DAP: variants seen among roughly 807,000 people sequenced by gnomAD.
DAP encodes the protein death-associated protein 1.
In DAP, 8 loss-of-function variants were observed where a neutral mutation model predicts 13.8. That is an observed-to-expected ratio of 0.58 (90% confidence interval 0.34 to 1.05). DAP has a LOEUF of 1.05. Ranked by LOEUF, DAP falls within the 50% of genes least tolerant of loss-of-function variation. The pLI, the probability that DAP is intolerant of heterozygous loss-of-function variation, is 0.03. For synonymous variants in DAP, 47 were observed against 47.5 expected (o/e 0.99, Z 0.04); for missense variants, 106 against 133.2 (o/e 0.80, Z 1.01).
At position 10,722,522 on chromosome 5, in the gene DAP, AT is replaced by A. The variant is rs1337247044; in HGVS notation, c.152+25652del. On this transcript the variant is annotated intron_variant, in intron 2 of 3. Transcript: ENST00000230895. ...TACACATACATATGCATACATATAC[AT>A]ATACATGCATATATATACATATATA... 6.3e-4 allele frequency among the ~76,000 whole-genome samples: 95 copies of A among 150,824 alleles called. 1 individual carries two copies. The highest frequency in any genetic ancestry group is 2.2e-3 in the African/African-American group (89 of 41,136).
rs1199947263 is a variant in DAP, at chr5:10,687,905, CTTT to C, written c.153-4337_153-4335del. 5.7e-4 allele frequency among the ~76,000 whole-genome samples: 63 copies of C among 110,640 alleles called. 1 individual carries two copies. The highest frequency in any genetic ancestry group is 1.4e-3 in the African/African-American group (37 of 26,020). The allele number at this position is 110,640 out of a possible 152,430, so 72.6% of individuals were successfully genotyped here. A position where few individuals can be genotyped will look rare whatever the true frequency, so the allele number is the denominator to read the frequency against. On this transcript the variant is annotated intron_variant, in intron 2 of 3. Coordinates refer to ENST00000230895, the MANE Select transcript of DAP (RefSeq NM_004394.3). ...TCTATGTCACAAACTTCATTGTTGT[CTTT>C]TTTTTTTTTTTTTTTTTTTTACAGA...
At chr5:10,684,245 T>C (rs190908583) in intron 2 of DAP, among the ~76,000 whole-genome samples, 2 of 152,364 alleles carry the variant, frequency 1.3e-5, no homozygotes, top group Admixed American at 6.5e-5. Context: ...TTACATGGTG[T>C]GGACTTGGAG....
intron 1 of DAP, among the ~76,000 whole-genome samples, chr5:10,758,029 T>C (rs1192386817): frequency 6.6e-6 from 1 of 152,044 alleles, no homozygotes; most frequent in East Asian, 1.9e-4. Flanking sequence ...CAAAAGAACA[T>C]TAAGATAGTC....
chr5:10,693,124 GCACACACACACA>G (rs10596228), intron 2 of DAP, among the ~76,000 whole-genome samples: 5 of 148,868 alleles, frequency 3.4e-5, no homozygotes, highest in African/African-American at 7.4e-5. Flanking sequence ...ACATGCACAC[GCACACACACACA>G]CACACACACA....
chr5:10,716,650 T>C (rs1738997829), intron 2 of DAP, among the ~76,000 whole-genome samples: 2 of 152,196 alleles, frequency 1.3e-5, no homozygotes. Flanking sequence ...CCTCAAACAT[T>C]GGACTCCAGG....
At chr5:10,741,941 GTAAT>G (rs1739766555) in intron 2 of DAP, among the ~76,000 whole-genome samples, 1 of 152,130 alleles carries the variant, frequency 6.6e-6, no homozygotes. Context: ...ATTTTGTTTT[GTAAT>G]TAATAGATAT....
chr5:10,683,402 G>T lies in DAP; in HGVS notation c.195+127C>A, dbSNP rs577106606. 8.5e-6 allele frequency: 8 copies of T among 940,588 alleles called. No individual in the cohort carries two copies. The African/African-American group carries it at 1.3e-4, about 15-fold the overall frequency. The allele number at this position is 940,588 out of a possible 1,614,324, so 58.3% of individuals were successfully genotyped here. On this transcript the variant is annotated intron_variant, in intron 3 of 3. Transcript: ENST00000230895. ...AAACGCGGCAATGAAGAGAGCCATG[G>T]CCACAGAGGAGATGAGCAGTGGTGC...
intron 2 of DAP, among the ~76,000 whole-genome samples, chr5:10,688,336 C>A (rs574673740): frequency 6.6e-6 from 1 of 152,296 alleles, no homozygotes; most frequent in South Asian, 2.1e-4. Context: ...CTGAGCCTCA[C>A]TGAAGGCTCA....
At chr5:10,713,233 A>G (rs1359914262) in intron 2 of DAP, among the ~76,000 whole-genome samples, 4 of 152,302 alleles carry the variant, frequency 2.6e-5, no homozygotes, top group African/African-American at 4.8e-5. Flanking sequence ...ACAACCTAAC[A>G]TTGGAATCGA....
intron 2 of DAP, among the ~76,000 whole-genome samples, chr5:10,724,862 C>T (rs1468749835): frequency 6.6e-6 from 1 of 152,176 alleles, no homozygotes; most frequent in African/African-American, 2.4e-5. Flanking sequence ...TGGACAGAGT[C>T]AAGCTCTGAC....
chr5:10,691,664 A>C (rs1738309665), intron 2 of DAP, among the ~76,000 whole-genome samples: 1 of 152,238 alleles, frequency 6.6e-6, no homozygotes, highest in African/African-American at 2.4e-5. Context: ...GGAAACAGAG[A>C]GTGAAAACTA....
intron 2 of DAP, among the ~76,000 whole-genome samples, chr5:10,688,382 A>G (rs949416308): frequency 2.6e-5 from 4 of 152,094 alleles, no homozygotes; most frequent in Admixed American, 6.5e-5. Flanking sequence ...TAAATTTTTA[A>G]AATTTTAAAT....
At chr5:10,733,005 T>C (rs1212641780) in intron 2 of DAP, among the ~76,000 whole-genome samples, 3 of 152,220 alleles carry the variant, frequency 2.0e-5, no homozygotes, top group Non-Finnish European at 4.4e-5. Context: ...TCTATGAGTC[T>C]GACTACTTTA....
intron 2 of DAP, among the ~76,000 whole-genome samples, chr5:10,722,644 A>G (rs1377428039): frequency 6.6e-6 from 1 of 150,762 alleles, no homozygotes; most frequent in Non-Finnish European, 1.5e-5. Flanking sequence ...ATACATATAT[A>G]TATATGTTCA....
At chr5:10,725,154 A>G (rs367592843) in intron 2 of DAP, among the ~76,000 whole-genome samples, 16 of 152,134 alleles carry the variant, frequency 1.1e-4, no homozygotes, top group East Asian at 5.8e-4. Context: ...TTCCCATTTC[A>G]GGCTTATTTT....
At chr5:10,694,971 A>G (rs1048597397) in intron 2 of DAP, among the ~76,000 whole-genome samples, 3 of 152,210 alleles carry the variant, frequency 2.0e-5, no homozygotes, top group Admixed American at 1.3e-4. Context: ...TGACTTTTTA[A>G]ACATTTCCCA....
At chr5:10,749,669 G>A (rs753779835) in intron 1 of DAP, among the ~76,000 whole-genome samples, 3 of 151,394 alleles carry the variant, frequency 2.0e-5, no homozygotes, top group Non-Finnish European at 2.9e-5. Context: ...GGCCCTTAGT[G>A]TGCTACCTGC....
rs1271529182 is a variant in DAP at position 10,707,481 on chromosome 5, C to T, written c.153-23910G>A. On this transcript the variant is annotated intron_variant, in intron 2 of 3. Coordinates refer to ENST00000230895, the MANE Select transcript of DAP (RefSeq NM_004394.3). The surrounding 1 kb of genome is among the most constrained non-coding windows in gnomAD (Gnocchi z 4.0). Reference sequence around the variant, plus strand: ...GGTGTGATGCACGGGTGATGTGGTGCATAAACTATGTGGTGCACAGGCAGT... The same window carrying T: ...GGTGTGATGCACGGGTGATGTGGTGTATAAACTATGTGGTGCACAGGCAGT... 6.6e-6 allele frequency among the ~76,000 whole-genome samples: 1 copy of T among 151,790 alleles called. No homozygotes were observed. Among genetic ancestry groups the T allele is most frequent in the Non-Finnish European group, 1.5e-5 (1 of 67,942 alleles).
At chr5:10,715,421 C>T (rs1448646454) in intron 2 of DAP, among the ~76,000 whole-genome samples, 2 of 152,202 alleles carry the variant, frequency 1.3e-5, no homozygotes, top group Non-Finnish European at 2.9e-5. Context: ...TGCCTGGCCA[C>T]ACCTTGCACC....
Sources: allele counts gnomAD v4.1 joint callset (sites outside exome capture counted in the v4.1 genomes callset), GRCh38; gene constraint gnomAD v4.1.1; non-coding constraint Gnocchi (gnomAD v3.1); transcripts MANE v1.5; gene names NCBI Gene and HGNC (gene_info 2026-07-23, HGNC 2026-07-21).